VAT1L: variants seen among roughly 807,000 people sequenced by gnomAD.
The protein encoded by VAT1L is putative NADPH-dependent quinone oxidoreductase VAT1L.
In VAT1L, 34 loss-of-function variants were observed where a neutral mutation model predicts 44.1. That is an observed-to-expected ratio of 0.77 (90% CI 0.59 to 1.03). The LOEUF is 1.03. Ranked by LOEUF, VAT1L falls within the 50% of genes least tolerant of loss-of-function variation. The pLI, the probability that VAT1L is intolerant of heterozygous loss-of-function variation, is 0.00. For missense variants in VAT1L, 615 were observed against 538.8 expected, an observed-to-expected ratio of 1.14 and a Z score of -1.40; for synonymous variants, 253 against 202.2, an observed-to-expected ratio of 1.25 and a Z score of -2.13.
intron 7 of VAT1L, among the ~76,000 whole-genome samples, chr16:77,928,938 C>T (rs994285039): frequency 3.3e-5 from 5 of 152,088 alleles, no homozygotes; most frequent in East Asian, 3.9e-4. Flanking sequence ...CTCAGCCTCC[C>T]GAGCAGCTGG....
At position 77,923,954 on chromosome 16, in the gene VAT1L, C is replaced by G. The variant is rs961366000; in HGVS notation, c.1077+39152C>G. ...TCATGGTCTGGGGTCTGCCTTCCCC[C>G]CCTCCCTTCCCCCAGTAAAGATGAG... On this transcript the variant is annotated intron_variant, in intron 7 of 8. Transcript: ENST00000302536. Among the ~76,000 whole-genome samples, 7 of 152,164 alleles carry G rather than the reference C, an allele frequency of 4.6e-5. No individual in the cohort carries two copies. The East Asian group carries it at 5.8e-4, about 13-fold the overall frequency.
chr16:77,864,872 T>C (rs905998441), intron 4 of VAT1L, among the ~76,000 whole-genome samples: 1 of 152,138 alleles, frequency 6.6e-6, no homozygotes, highest in Non-Finnish European at 1.5e-5. Context: ...ATGTTAGAAG[T>C]TGACCCTCTG....
intron 7 of VAT1L, among the ~76,000 whole-genome samples, chr16:77,949,173 T>C (rs756233388): frequency 3.3e-5 from 5 of 152,122 alleles, no homozygotes; most frequent in Admixed American, 6.6e-5. Context: ...AGACCTCGAA[T>C]GATGCAGTGA....
At chr16:77,941,595 C>G (rs890372762) in intron 7 of VAT1L, among the ~76,000 whole-genome samples, 8 of 152,264 alleles carry the variant, frequency 5.3e-5, no homozygotes, top group African/African-American at 1.9e-4. Context: ...AATTGCCACA[C>G]TGCCTTTTTT....
chr16:77,926,479 GA>G (rs1291509104), intron 7 of VAT1L, among the ~76,000 whole-genome samples: 2 of 152,040 alleles, frequency 1.3e-5, no homozygotes, highest in Non-Finnish European at 2.9e-5. Context: ...AGCTACTCAA[GA>G]GGCTGAGACA....
At position 77,921,661 on chromosome 16, in the gene VAT1L, G is replaced by A. The variant is rs534878907; in HGVS notation, c.1077+36859G>A. Among the ~76,000 whole-genome samples the A allele has an allele frequency of 2.1e-4, 32 of 152,120 alleles. No homozygotes were observed. The South Asian group carries it at 6.5e-3, about 31-fold the overall frequency. On this transcript the variant is annotated intron_variant, in intron 7 of 8. Transcript: ENST00000302536. ...TAATATTTTCCCTTTGTCCTAATTT[G>A]GTCACTTTATTTGTGACTTTTAGGC...
chr16:77,907,711 T>G (rs1007540498), intron 7 of VAT1L, among the ~76,000 whole-genome samples: 3 of 152,162 alleles, frequency 2.0e-5, no homozygotes, highest in African/African-American at 7.2e-5. Context: ...CAACAGTTAA[T>G]TTACAAGCTC....
intron 3 of VAT1L, among the ~76,000 whole-genome samples, chr16:77,857,005 C>T (rs149350453): frequency 5.9e-5 from 9 of 152,246 alleles, no homozygotes; most frequent in African/African-American, 1.9e-4. Flanking sequence ...AAGGATTTAA[C>T]GAAGCACCTT....
At chr16:77,933,054 TA>T (rs2017750678) in intron 7 of VAT1L, among the ~76,000 whole-genome samples, 1 of 152,154 alleles carries the variant, frequency 6.6e-6, no homozygotes, top group African/African-American at 2.4e-5. Context: ...CCTGAGTGTT[TA>T]GGAAAAAGAG....
intron 7 of VAT1L, among the ~76,000 whole-genome samples, chr16:77,909,710 A>G (rs1419485823): frequency 6.6e-6 from 1 of 151,876 alleles, no homozygotes; most frequent in East Asian, 1.9e-4. Context: ...CTTTTCGTGC[A>G]ATCTACCCAC....
At chr16:77,794,601 C>T (rs999360037) in intron 1 of VAT1L, among the ~76,000 whole-genome samples, 1 of 152,214 alleles carries the variant, frequency 6.6e-6, no homozygotes, top group Non-Finnish European at 1.5e-5. Context: ...AGGTGGCCAA[C>T]ATGATATTCC....
chr16:77,860,572 G>C (rs2016905338), intron 3 of VAT1L, among the ~76,000 whole-genome samples: 1 of 152,206 alleles, frequency 6.6e-6, no homozygotes, highest in South Asian at 2.1e-4. Context: ...GGAACTAATT[G>C]TAATTTCCCA....
chr16:77,972,146 T>C (rs909851122), intron 8 of VAT1L, among the ~76,000 whole-genome samples: 5 of 152,084 alleles, frequency 3.3e-5, no homozygotes, highest in Admixed American at 6.5e-5. Flanking sequence ...TGAGAGCATA[T>C]CAAAAGCAAT....
At chr16:77,870,957 C>G (rs2017025172) in intron 4 of VAT1L, among the ~76,000 whole-genome samples, 1 of 152,120 alleles carries the variant, frequency 6.6e-6, no homozygotes, top group Non-Finnish European at 1.5e-5. Context: ...AGTCCCAAGG[C>G]TGCTCATGGG....
intron 2 of VAT1L, among the ~76,000 whole-genome samples, chr16:77,821,443 G>A (rs1267255253): frequency 6.6e-6 from 1 of 151,920 alleles, no homozygotes; most frequent in African/African-American, 2.4e-5. Context: ...TGAGATTACA[G>A]CCACACCTGG....
chr16:77,905,478 C>T (rs115736837), intron 7 of VAT1L, among the ~76,000 whole-genome samples: 1,747 of 152,098 alleles, frequency 0.011, 32 homozygotes, highest in African/African-American at 0.038. Context: ...AGAGTAGCCT[C>T]GCCACCCCTG....
chr16:77,924,049 T>A (rs113778925), intron 7 of VAT1L, among the ~76,000 whole-genome samples: 1 of 152,058 alleles, frequency 6.6e-6, no homozygotes, highest in African/African-American at 2.4e-5. Context: ...TTACCAGCTG[T>A]GAGACACTGA....
chr16:77,918,151 T>C (rs2017570397), intron 7 of VAT1L, among the ~76,000 whole-genome samples: 1 of 152,154 alleles, frequency 6.6e-6, no homozygotes, highest in African/African-American at 2.4e-5. Context: ...GCTAATTGGC[T>C]CAAGAAACTG....
chr16:77,967,002 G>C (rs376564), intron 7 of VAT1L, among the ~76,000 whole-genome samples: 34,796 of 149,938 alleles, frequency 0.23, 4,514 homozygotes, highest in South Asian at 0.32. Flanking sequence ...TCTCCCACGT[G>C]CTACTGAGCT....
Sources: allele counts gnomAD v4.1 joint callset (sites outside exome capture counted in the v4.1 genomes callset), GRCh38; gene constraint gnomAD v4.1.1; transcripts MANE v1.5; gene names NCBI Gene and HGNC (gene_info 2026-07-23, HGNC 2026-07-21).